KCNJ18: variants seen among roughly 807,000 people sequenced by gnomAD.
KCNJ18 encodes the protein inward rectifier potassium channel 18.
KCNJ18 carries 16 observed loss-of-function variants against 17.3 expected under a neutral mutation model. That is an observed-to-expected ratio of 0.92 (90% CI 0.62 to 1.40). The LOEUF is 1.40. Among genes scored for constraint, KCNJ18 ranks in the 40% most tolerant of loss-of-function variants. The probability of loss-of-function intolerance (pLI) is 0.00; values close to 1 mark genes in which losing one functional copy is unlikely to be tolerated. For synonymous variants in KCNJ18, 185 were observed against 262.6 expected (o/e 0.70, Z 2.86); for missense variants, 462 against 626.8 (o/e 0.74, Z 2.81).
intron 1 of KCNJ18, among the ~76,000 whole-genome samples, chr17:21,695,737 C>T (rs1337427796): frequency 6.6e-6 from 1 of 152,304 alleles, no homozygotes; most frequent in Non-Finnish European, 1.5e-5. Flanking sequence ...AATAGGCACT[C>T]AATAATTGTC....
intron 1 of KCNJ18, among the ~76,000 whole-genome samples, chr17:21,694,277 G>C (rs1393625814): frequency 6.6e-6 from 1 of 151,984 alleles, no homozygotes; most frequent in Non-Finnish European, 1.5e-5. Flanking sequence ...AGCATGTCAG[G>C]TGGCTCACCG....
chr17:21,695,814 TG>T (rs1905741867), intron 1 of KCNJ18, among the ~76,000 whole-genome samples, 168 bp from the exon 2 acceptor site: 1 of 152,306 alleles, frequency 6.6e-6, no homozygotes, highest in South Asian at 2.1e-4. Context: ...GTTGCTATGC[TG>T]TGAAGGTGTG....
chr17:21,698,562 G>A (rs1905840337), intron 2 of KCNJ18, among the ~76,000 whole-genome samples: 1 of 152,068 alleles, frequency 6.6e-6, no homozygotes, highest in African/African-American at 2.4e-5. Context: ...TGCTTTCTTG[G>A]TGTCTGGGAA....
chr17:21,704,178 C>T lies in KCNJ18; in HGVS notation c.*90C>T, dbSNP rs1297450206. On this transcript the variant is annotated 3_prime_UTR_variant, in exon 3 of 3. Transcript: ENST00000567955. ...GCCCTGGGTTTGAGCAGAACGGGCC[C>T]AGTGCCCTGGGTTGCAGACTCAGTA... The T allele has an allele frequency of 6.5e-6, 9 of 1,382,062 alleles. No individual in the cohort carries two copies. The highest frequency in any genetic ancestry group is 1.5e-5 in the African/African-American group (1 of 68,254). 85.6% of individuals were successfully genotyped at this position (1,382,062 alleles called of 1,614,324 possible).
At chr17:21,698,223 C>A (rs1172529483) in intron 2 of KCNJ18, among the ~76,000 whole-genome samples, 3 of 152,326 alleles carry the variant, frequency 2.0e-5, no homozygotes, top group Non-Finnish European at 4.4e-5. Flanking sequence ...CCCTACAGCC[C>A]AGCCTGGAAG....
intron 1 of KCNJ18, among the ~76,000 whole-genome samples, chr17:21,694,930 CCCA>C (rs1905709972): frequency 6.6e-6 from 1 of 152,134 alleles, no homozygotes; most frequent in Non-Finnish European, 1.5e-5. Flanking sequence ...TCTTCACTCA[CCCA>C]TCCACTCATT....
intron 1 of KCNJ18, among the ~76,000 whole-genome samples, chr17:21,694,607 TCCATCCAC>T (rs1206670762): frequency 6.7e-6 from 1 of 148,298 alleles, no homozygotes; most frequent in South Asian, 2.2e-4. Flanking sequence ...TACCCACCCA[TCCATCCAC>T]CCATCCACCC....
intron 1 of KCNJ18, among the ~76,000 whole-genome samples, chr17:21,693,110 A>G (rs1905651511): frequency 6.6e-6 from 1 of 152,306 alleles, no homozygotes; most frequent in African/African-American, 2.4e-5. Context: ...CAGGATTGTG[A>G]CCATAACCCC....
rs1475808741 is a variant in KCNJ18 at position 21,692,683 on chromosome 17, G to A, written c.-210G>A. 3 of 152,366 alleles carry A rather than the reference G, an allele frequency of 2.0e-5. No homozygotes were observed. Among genetic ancestry groups the A allele is most frequent in the African/African-American group, 7.3e-5 (3 of 41,050 alleles). 9.4% of individuals were successfully genotyped at this position (152,366 alleles called of 1,614,324 possible). ...TCTGTGGGACAGATACTGAAGCCAG[G>A]GCTTGGCTTACCCTCGTGACAGTCT... On this transcript the variant is annotated 5_prime_UTR_variant, in exon 1 of 3. Coordinates refer to ENST00000567955, the MANE Select transcript of KCNJ18 (RefSeq NM_001194958.2).
intron 1 of KCNJ18, among the ~76,000 whole-genome samples, chr17:21,693,773 A>C (rs1182318759): frequency 0.55 from 75,275 of 137,468 alleles, 19,075 homozygotes; most frequent in East Asian, 0.84. Flanking sequence ...CCTCTCTGAA[A>C]CTCTGCAGCT....
intron 2 of KCNJ18, among the ~76,000 whole-genome samples, chr17:21,701,295 C>T (rs1327750716): frequency 6.6e-6 from 1 of 152,300 alleles, no homozygotes; most frequent in Non-Finnish European, 1.5e-5. Context: ...AGTAGGCTGG[C>T]CTGGAGCCAG....
chr17:21,702,737 C>T lies in KCNJ18; in HGVS notation c.-50C>T, dbSNP rs1906003624. ...GCTGTCCTCTCTGTTCCAGGAGCCG[C>T]CCTGCCTGGAGCTAGCCTGGGGGTG... On this transcript the variant is annotated 5_prime_UTR_variant, in exon 3 of 3. Transcript: ENST00000567955. The T allele has an allele frequency of 1.3e-6, 2 of 1,537,456 alleles. No individual in the cohort carries two copies.
chr17:21,692,890 G>T (rs1905643419), intron 1 of KCNJ18, among the ~76,000 whole-genome samples, 176 bp downstream of exon 1: 1 of 152,310 alleles, frequency 6.6e-6, no homozygotes, highest in South Asian at 2.1e-4. Flanking sequence ...CACACCCTCT[G>T]AGAGGCCTGG....
chr17:21,700,682 G>C (rs1468639134), intron 2 of KCNJ18, among the ~76,000 whole-genome samples: 1 of 100,930 alleles, frequency 9.9e-6, no homozygotes, highest in African/African-American at 3.5e-5. Flanking sequence ...CTGAGTCCTG[G>C]CATTGCTGCC....
At chr17:21,693,198 C>T (rs1308180863) in intron 1 of KCNJ18, among the ~76,000 whole-genome samples, 1 of 152,308 alleles carries the variant, frequency 6.6e-6, no homozygotes, top group East Asian at 1.9e-4. Context: ...GGAGCTCTGG[C>T]CAGGGCATCC....
At chr17:21,700,153 C>T (rs1487034135) in intron 2 of KCNJ18, among the ~76,000 whole-genome samples, 6 of 152,104 alleles carry the variant, frequency 3.9e-5, no homozygotes, top group African/African-American at 1.4e-4. Context: ...TCCACCATTC[C>T]GGCCCTGCGT....
intron 1 of KCNJ18, among the ~76,000 whole-genome samples, chr17:21,695,028 C>A (rs1905715096): frequency 6.6e-6 from 1 of 152,226 alleles, no homozygotes; most frequent in African/African-American, 2.4e-5. Context: ...ATTACCCATC[C>A]ATCCACCCAT....
rs1410789078 is a variant in KCNJ18, at chr17:21,703,078, T to C, written c.292T>C (p.Phe98Leu). 4 of 1,613,024 alleles carry C rather than the reference T, an allele frequency of 2.5e-6. No homozygotes were observed. The African/African-American group carries it at 4.0e-5, about 16-fold the overall frequency. ...SLAFLASWLL[F>L]GVIFWVIAVA... Reference sequence around the variant, plus strand: ...GGCCTTCCTTGCCTCCTGGCTGCTGTTCGGCGTCATCTTCTGGGTCATCGC... The same window carrying C: ...GGCCTTCCTTGCCTCCTGGCTGCTGCTCGGCGTCATCTTCTGGGTCATCGC... Residue 98 changes from phenylalanine to leucine, a missense_variant, in exon 3 of 3, where the codon TTC (phenylalanine) becomes CTC (leucine). Phe to Leu is a conservative substitution (Grantham distance 22). This residue lies in a region of KCNJ18 where 237 missense variants were observed against 259.4 expected (regional missense o/e 0.91). Coordinates refer to ENST00000567955, the MANE Select transcript of KCNJ18 (RefSeq NM_001194958.2).
intron 2 of KCNJ18, among the ~76,000 whole-genome samples, chr17:21,697,523 C>T (rs1905797231): frequency 1.3e-5 from 2 of 152,312 alleles, no homozygotes; most frequent in Non-Finnish European, 2.9e-5. Flanking sequence ...CCTGGGTTCT[C>T]CCCCATCCAG....
Sources: allele counts gnomAD v4.1 joint callset (sites outside exome capture counted in the v4.1 genomes callset), GRCh38; gene constraint gnomAD v4.1.1; regional missense constraint gnomAD v4.1.1; transcripts MANE v1.5; gene names NCBI Gene and HGNC (gene_info 2026-07-23, HGNC 2026-07-21).